Variants in UNC13C observed in about 807,000 individuals in gnomAD.
UNC13C encodes unc-13 homolog C, also known as protein unc-13 homolog C.
A neutral mutation model predicts 245.4 loss-of-function variants in UNC13C; 174 were observed. The ratio of observed to expected loss-of-function variants is 0.71; its 90% CI spans 0.63 to 0.80. The LOEUF (loss-of-function observed/expected upper bound fraction) is 0.80. Among genes scored for constraint, UNC13C ranks in the 30% least tolerant of loss-of-function variants. UNC13C has a pLI of 0.00. For missense variants in UNC13C, 2,829 were observed against 2,602.9 expected (o/e 1.09, Z -1.89); for synonymous variants, 992 against 895.1 (o/e 1.11, Z -1.93).
chr15:53,973,397 A>G (rs1432579628), upstream of UNC13C, among the ~76,000 whole-genome samples: 1 of 152,120 alleles, frequency 6.6e-6, no homozygotes, highest in African/African-American at 2.4e-5. Flanking sequence ...CAGCAAGAGT[A>G]TAAATAGAAA....
chr15:54,141,533 G>GT (rs2032019176), intron 2 of UNC13C, among the ~76,000 whole-genome samples: 2 of 151,918 alleles, frequency 1.3e-5, no homozygotes, highest in Non-Finnish European at 1.5e-5. Flanking sequence ...TTTTAAGGAG[G>GT]TTTTGAACAA....
intron 1 of UNC13C, among the ~76,000 whole-genome samples, chr15:54,009,544 C>A (rs1895286883): frequency 7.1e-6 from 1 of 140,248 alleles, no homozygotes. Context: ...TCTTCTTCTT[C>A]TTCTTCTTTT....
intron 14 of UNC13C, among the ~76,000 whole-genome samples, chr15:54,330,394 C>T (rs2038408103): frequency 6.6e-6 from 1 of 151,904 alleles, no homozygotes; most frequent in Non-Finnish European, 1.5e-5. Context: ...TTCATATGGG[C>T]ACATTTGACA....
At chr15:54,307,357 CAACTAA>C (rs1567175716) in intron 13 of UNC13C, among the ~76,000 whole-genome samples, 1 of 151,870 alleles carries the variant, frequency 6.6e-6, no homozygotes, top group African/African-American at 2.4e-5. Context: ...TTTTATAAGA[CAACTAA>C]AATCCCATTC....
rs570671844 is a variant in UNC13C at position 54,573,048 on chromosome 15, T to A, written c.6106+5101T>A. On this transcript the variant is annotated intron_variant, in intron 30 of 32. Transcript: ENST00000260323. ...ACTTATAATCAATTTTTTTCACTAT[T>A]TTCAGGCTTTAAGACATACTTCCCT... Among the ~76,000 whole-genome samples, 76 of 152,318 alleles carry A rather than the reference T, an allele frequency of 5.0e-4. 3 individuals are homozygous for A. The South Asian group carries it at 0.016, about 32-fold the overall frequency.
the UNC13C span, among the ~76,000 whole-genome samples, chr15:53,968,643 G>A: frequency 1.3e-5 from 2 of 152,096 alleles, no homozygotes; most frequent in Non-Finnish European, 2.9e-5. Flanking sequence ...AAGGTCCTGC[G>A]TTTGGATCTC....
At chr15:53,907,568 C>A in the UNC13C span, among the ~76,000 whole-genome samples, 2 of 152,070 alleles carry the variant, frequency 1.3e-5, no homozygotes, top group East Asian at 3.9e-4. Context: ...AGTCACTTAA[C>A]CTCTCTTTTG....
At chr15:54,273,886 T>C (rs1261544212) in intron 10 of UNC13C, among the ~76,000 whole-genome samples, 1 of 152,234 alleles carries the variant, frequency 6.6e-6, no homozygotes, top group African/African-American at 2.4e-5. Flanking sequence ...ACTGGGAGTC[T>C]GCAGATCCCT....
At chr15:54,412,257 G>T (rs566874320) in intron 18 of UNC13C, among the ~76,000 whole-genome samples, 1 of 151,996 alleles carries the variant, frequency 6.6e-6, no homozygotes, top group African/African-American at 2.4e-5. Flanking sequence ...AAAGGAAAGA[G>T]GTTTAATTGA....
rs1440718169 is a variant in UNC13C at position 54,119,907 on chromosome 15, A to G, written c.2984-23111A>G. On this transcript the variant is annotated intron_variant, in intron 2 of 32. Transcript: ENST00000260323. ...CAAGGCCCTAAGGCTCCACAATTCTATGAAGGGTAAGAGGAGTGAGGAAGC... is the reference window on the plus strand; with the variant it reads ...CAAGGCCCTAAGGCTCCACAATTCTGTGAAGGGTAAGAGGAGTGAGGAAGC... Among the ~76,000 whole-genome samples, 6 of 152,144 alleles carry G rather than the reference A, an allele frequency of 3.9e-5. No individual in the cohort carries two copies. In the East Asian group the frequency reaches 1.2e-3, roughly 29 times the overall value.
intron 1 of UNC13C, among the ~76,000 whole-genome samples, chr15:54,012,274 T>C (rs981165442): frequency 1.3e-5 from 2 of 152,158 alleles, no homozygotes; most frequent in African/African-American, 4.8e-5. Flanking sequence ...TTTAAATCCT[T>C]ACATTTGTGT....
chr15:53,846,505 G>A, the UNC13C span, among the ~76,000 whole-genome samples: 1 of 152,094 alleles, frequency 6.6e-6, no homozygotes, highest in East Asian at 1.9e-4. Context: ...ATTTGTGCAA[G>A]TTACTTATTT....
intron 2 of UNC13C, among the ~76,000 whole-genome samples, chr15:54,119,067 G>A (rs1430560462): frequency 6.6e-6 from 1 of 150,908 alleles, no homozygotes; most frequent in African/African-American, 2.4e-5. Context: ...TAAAGAATTT[G>A]TGTAGAATTG....
At chr15:54,415,444 G>T (rs1296268838) in intron 19 of UNC13C, among the ~76,000 whole-genome samples, 1 of 152,046 alleles carries the variant, frequency 6.6e-6, no homozygotes, top group Non-Finnish European at 1.5e-5. Flanking sequence ...ACCAGGAGGC[G>T]GGTCAAAATC....
chr15:53,869,990 C>T, the UNC13C span, among the ~76,000 whole-genome samples: 1 of 152,158 alleles, frequency 6.6e-6, no homozygotes, highest in Admixed American at 6.5e-5. Flanking sequence ...ATAACACTGT[C>T]CTAAGACTTT....
At chr15:54,008,634 G>A (rs1396911466) in intron 1 of UNC13C, among the ~76,000 whole-genome samples, 1 of 152,084 alleles carries the variant, frequency 6.6e-6, no homozygotes, top group East Asian at 1.9e-4. Flanking sequence ...TGTTATCTTT[G>A]CGTTCACCCT....
chr15:54,221,575 A>G (rs1266767809), intron 4 of UNC13C, among the ~76,000 whole-genome samples: 2 of 152,032 alleles, frequency 1.3e-5, no homozygotes, highest in Non-Finnish European at 2.9e-5. Context: ...GTTGTTTGTA[A>G]AAGTCTAACA....
chr15:53,904,907 G>A, the UNC13C span, among the ~76,000 whole-genome samples: 7 of 152,132 alleles, frequency 4.6e-5, no homozygotes, highest in Admixed American at 4.6e-4. Context: ...GTGGATTGAT[G>A]AGACAAGTGA....
chr15:54,486,250 AACACAC>A (rs59221050), intron 19 of UNC13C, among the ~76,000 whole-genome samples: 16,955 of 131,940 alleles, frequency 0.13, 1,124 homozygotes, highest in Non-Finnish European at 0.16. Context: ...GATCTATTAA[AACACAC>A]ACACACACAC....
Sources: gnomAD v4.1 joint callset for allele counts (sites outside exome capture counted in the v4.1 genomes callset) on GRCh38, gnomAD v4.1.1 for gene constraint, MANE v1.5 for transcripts, NCBI Gene and HGNC (gene_info 2026-07-23, HGNC 2026-07-21) for gene names.